Variants in MID1 observed in about 807,000 individuals in gnomAD.
MID1 encodes midline 1.
Under a neutral mutation model 40.4 loss-of-function variants are expected in MID1, and 7 were observed. The observed-to-expected ratio is 0.17, with a 90% CI of 0.10 to 0.33. The LOEUF (loss-of-function observed/expected upper bound fraction) is 0.33, where lower values mean the gene tolerates loss of function less well. Ranked by LOEUF, MID1 falls within the 10% of genes least tolerant of loss-of-function variation. The pLI is 1.00. For missense variants in MID1, 367 were observed against 558.5 expected (o/e 0.66, Z 3.46); for synonymous variants, 229 against 221.2 (o/e 1.04, Z -0.31).
At chrX:10,581,814 G>C (rs1935025877) in intron 1 of MID1, among the ~76,000 whole-genome samples, 1 of 111,463 alleles carries the variant, frequency 9.0e-6, no homozygotes. Flanking sequence ...ACATACCTCT[G>C]TTCATTACCA....
chrX:10,596,217 A>T (rs1446481321), intron 1 of MID1, among the ~76,000 whole-genome samples: 1 of 111,679 alleles, frequency 9.0e-6, no homozygotes, highest in African/African-American at 3.3e-5. Context: ...AAGGACTGAC[A>T]TCTGGATCAT....
At chrX:10,604,109 T>C (rs570618908) in intron 1 of MID1, among the ~76,000 whole-genome samples, 1 of 111,815 alleles carries the variant, frequency 8.9e-6, no homozygotes, top group African/African-American at 3.2e-5. Flanking sequence ...TTAGTTAACA[T>C]TTATAGTTAA....
intron 8 of MID1, among the ~76,000 whole-genome samples, chrX:10,459,162 C>G (rs1928870046): frequency 9.0e-6 from 1 of 110,990 alleles, no homozygotes; most frequent in Non-Finnish European, 1.9e-5. Context: ...CCAGATATTA[C>G]TAAATGTCCT....
At chrX:10,472,658 T>G (rs749934463) in intron 6 of MID1, among the ~76,000 whole-genome samples, 42 of 112,207 alleles carry the variant, frequency 3.7e-4, no homozygotes, top group Non-Finnish European at 6.4e-4. Context: ...TGATCAAGCT[T>G]TTTGTTTTTC....
At chrX:10,658,428 TAAAAAAAAAAAAAAAAAAA>T (rs35116185) in intron 1 of MID1, among the ~76,000 whole-genome samples, 9 of 5,580 alleles carry the variant, frequency 1.6e-3, no homozygotes, top group East Asian at 0.011. Flanking sequence ...CCTTCAACTG[TAAAAAAAAAAAAAAAAAAA>T]AAAAAAAAAA....
intron 1 of MID1, among the ~76,000 whole-genome samples, chrX:10,629,686 T>G (rs1007476384): frequency 8.9e-6 from 1 of 112,409 alleles, no homozygotes; most frequent in Non-Finnish European, 1.9e-5. Flanking sequence ...TCTAGGACTG[T>G]GAATGAGGTT....
intron 2 of MID1, among the ~76,000 whole-genome samples, chrX:10,533,465 T>C (rs1933110965): frequency 4.2e-5 from 1 of 23,608 alleles, no homozygotes; most frequent in Non-Finnish European, 7.1e-5. Context: ...GGTATCCATG[T>C]GGATGGTAAA....
intron 2 of MID1, among the ~76,000 whole-genome samples, chrX:10,527,679 T>C (rs1451226134): frequency 9.0e-6 from 1 of 111,126 alleles, no homozygotes; most frequent in South Asian, 3.9e-4. Context: ...GAAGCTGATG[T>C]TCCTAGGAGC....
rs771679279 is a variant in MID1 at position 10,707,942 on chromosome X, C to T, written c.-186-87523G>A. Among the ~76,000 whole-genome samples, 11 of 113,006 alleles carry T rather than the reference C, an allele frequency of 9.7e-5. No individual in the cohort carries two copies. In the South Asian group the frequency reaches 2.5e-3, roughly 26 times the overall value. On this transcript the variant is annotated intron_variant, in intron 1 of 10. Transcript: ENST00000380785. ...GTTATTTAGCATTTAATATTCCCTT[C>T]GGGAAATCAATATGATTTGGGGGAG... is the stretch of plus-strand genomic sequence containing the variant.
chrX:10,749,508 T>C (rs1009808768), intron 1 of MID1, among the ~76,000 whole-genome samples: 2 of 111,703 alleles, frequency 1.8e-5, no homozygotes, highest in African/African-American at 6.5e-5. Context: ...ACACAAGAGA[T>C]GATTGAAGAT....
intron 1 of MID1, among the ~76,000 whole-genome samples, chrX:10,759,325 G>A (rs992881340): frequency 8.9e-6 from 1 of 111,769 alleles, no homozygotes; most frequent in African/African-American, 3.3e-5. Flanking sequence ...TTTGATGTGG[G>A]GCCTCTTGGT....
At chrX:10,656,806 G>A (rs1219961423) in intron 1 of MID1, among the ~76,000 whole-genome samples, 3 of 109,812 alleles carry the variant, frequency 2.7e-5, no homozygotes, top group Admixed American at 9.7e-5. Context: ...TCTCTTCCTC[G>A]TGGAAGAATA....
chrX:10,626,244 G>A (rs924501716), intron 1 of MID1, among the ~76,000 whole-genome samples: 1 of 109,632 alleles, frequency 9.1e-6, no homozygotes, highest in African/African-American at 3.3e-5. Flanking sequence ...GTTTACTTGG[G>A]GCAGAAATGT....
intron 1 of MID1, among the ~76,000 whole-genome samples, chrX:10,814,705 GC>G (rs1407397285): frequency 9.1e-6 from 1 of 110,237 alleles, no homozygotes; most frequent in African/African-American, 3.3e-5. Context: ...CCTCCCTCCT[GC>G]CCCCCTATCC....
Position 10,566,880 on chromosome X carries a change from G to C in MID1, c.660+8C>G, listed in dbSNP as rs201547880. 2 of 1,210,002 alleles carry C rather than the reference G, an allele frequency of 1.7e-6. No homozygotes were observed. Among genetic ancestry groups the C allele is most frequent in the Non-Finnish European group, 2.2e-6 (2 of 894,505 alleles). On this transcript the variant is annotated splice_region_variant and intron_variant, in intron 2 of 9. Transcript: ENST00000317552. ...GAAAGGGGTTGGCTTAAGGCGGATC[G>C]GACTAACCTTCAATTTGTCATAGCG...
In MID1 at chrX:10,762,853, A is replaced by G. The variant is rs775996486; in HGVS notation, c.-187+70701T>C. Among the ~76,000 whole-genome samples, 4 of 112,086 alleles carry G rather than the reference A, an allele frequency of 3.6e-5. No homozygotes were observed. In the South Asian group the frequency reaches 1.1e-3, roughly 31 times the overall value. ...AAAATCCCACAAATAAGTATCAGATATAAGTGAGATGCTTCCTAATTTAAA... is the reference window on the plus strand; with the variant it reads ...AAAATCCCACAAATAAGTATCAGATGTAAGTGAGATGCTTCCTAATTTAAA... On this transcript the variant is annotated intron_variant, in intron 1 of 10. Transcript: ENST00000380785.
chrX:10,638,405 C>G (rs1016340277), intron 1 of MID1, among the ~76,000 whole-genome samples: 4 of 112,215 alleles, frequency 3.6e-5, no homozygotes, highest in African/African-American at 1.3e-4. Flanking sequence ...GCCTGGCTCA[C>G]TGCTAGCACA....
chrX:10,730,083 C>T (rs1346856857), intron 1 of MID1, among the ~76,000 whole-genome samples: 2 of 69,218 alleles, frequency 2.9e-5, no homozygotes, highest in Admixed American at 3.4e-4. Flanking sequence ...GACTCCATCT[C>T]AAAAAAAAAA....
At chrX:10,726,721 CAT>C (rs774505242) in intron 1 of MID1, among the ~76,000 whole-genome samples, 8 of 112,668 alleles carry the variant, frequency 7.1e-5, no homozygotes, top group Non-Finnish European at 1.3e-4. Flanking sequence ...GGTGGTATCA[CAT>C]GTTTCCAACT....
Sources: gnomAD v4.1 joint callset for allele counts (sites outside exome capture counted in the v4.1 genomes callset) on GRCh38, gnomAD v4.1.1 for gene constraint, MANE v1.5 for transcripts, NCBI Gene and HGNC (gene_info 2026-07-23, HGNC 2026-07-21) for gene names.